The following SGMS1 variants were observed in gnomAD, a reference collection of about 807,000 sequenced individuals.
The protein encoded by SGMS1 is phosphatidylcholine:ceramide cholinephosphotransferase 1.
A neutral mutation model predicts 46.2 loss-of-function variants in SGMS1; 13 were observed. That is an observed-to-expected ratio of 0.28 (90% CI 0.18 to 0.45). The LOEUF (loss-of-function observed/expected upper bound fraction) is 0.45. Among genes scored for constraint, SGMS1 ranks in the 20% least tolerant of loss-of-function variants. The probability of loss-of-function intolerance (pLI) is 1.00; values close to 1 mark genes in which losing one functional copy is unlikely to be tolerated. For synonymous variants in SGMS1, 203 were observed against 187.8 expected, an observed-to-expected ratio of 1.08 and a Z score of -0.66; for missense variants, 324 against 519.9, an observed-to-expected ratio of 0.62 and a Z score of 3.66.
intron 2 of SGMS1, among the ~76,000 whole-genome samples, chr10:50,579,165 TA>T (rs1198957278): frequency 2.0e-5 from 3 of 151,946 alleles, no homozygotes; most frequent in Non-Finnish European, 2.9e-5. Context: ...CAAAAAATTT[TA>T]AAAAAACATT....
intron 6 of SGMS1, among the ~76,000 whole-genome samples, chr10:50,353,763 G>A (rs375544811): frequency 2.6e-5 from 4 of 152,366 alleles, no homozygotes; most frequent in East Asian, 3.9e-4. Flanking sequence ...AAATCAATGT[G>A]CAAAAATCAC....
chr10:50,391,332 T>C (rs1157323654), intron 6 of SGMS1, among the ~76,000 whole-genome samples: 1 of 152,206 alleles, frequency 6.6e-6, no homozygotes, highest in East Asian at 1.9e-4. Context: ...GTTGTGGGAC[T>C]TGAACATGAT....
intron 5 of SGMS1, among the ~76,000 whole-genome samples, chr10:50,446,507 A>G (rs770317105): frequency 1.3e-5 from 2 of 152,242 alleles, no homozygotes; most frequent in Non-Finnish European, 2.9e-5. Context: ...TTATATTCAT[A>G]ACAGCCAAAA....
At chr10:50,418,020 T>C (rs1157565221) in intron 6 of SGMS1, 1 of 152,242 alleles carries the variant, frequency 6.6e-6, no homozygotes, top group Non-Finnish European at 1.5e-5. Flanking sequence ...CACCGTCTGT[T>C]AGTGTATTCT....
chr10:50,333,720 A>C (rs1444599832), intron 7 of SGMS1, among the ~76,000 whole-genome samples: 1 of 152,226 alleles, frequency 6.6e-6, no homozygotes, highest in African/African-American at 2.4e-5. Flanking sequence ...CAGACAAAAT[A>C]ATCAAAATAA....
intron 6 of SGMS1, among the ~76,000 whole-genome samples, chr10:50,420,670 T>C (rs1849243741): frequency 6.6e-6 from 1 of 152,244 alleles, no homozygotes; most frequent in South Asian, 2.1e-4. Context: ...GAACTGATAA[T>C]ATGTTGGCTA....
At chr10:50,413,798 T>C (rs1426140903) in intron 6 of SGMS1, among the ~76,000 whole-genome samples, 1 of 152,212 alleles carries the variant, frequency 6.6e-6, no homozygotes, top group Non-Finnish European at 1.5e-5. Context: ...GGACTGGAGA[T>C]AAGAAAGAGG....
At chr10:50,551,350 T>A (rs1186045774) in intron 2 of SGMS1, among the ~76,000 whole-genome samples, 1 of 151,174 alleles carries the variant, frequency 6.6e-6, no homozygotes. Flanking sequence ...AACACCTGAC[T>A]GGTACTCCTC....
chr10:50,552,254 T>C (rs1057035812), intron 2 of SGMS1, among the ~76,000 whole-genome samples: 14 of 152,112 alleles, frequency 9.2e-5, no homozygotes, highest in African/African-American at 3.1e-4. Flanking sequence ...CAAGCATGTT[T>C]AAGATATTAA....
intron 6 of SGMS1, among the ~76,000 whole-genome samples, chr10:50,405,854 T>C (rs779705535): frequency 3.9e-5 from 6 of 152,244 alleles, no homozygotes; most frequent in Non-Finnish European, 7.3e-5. Context: ...TTAATATTCA[T>C]GTATTTATCC....
In SGMS1 at chr10:50,327,241, G is replaced by A. The variant is rs1198111813; in HGVS notation, c.705C>T (p.Leu235=). 2 of 1,604,602 alleles carry A rather than the reference G, an allele frequency of 1.2e-6. No homozygotes were observed. The highest frequency in any genetic ancestry group is 3.3e-4 in the Middle Eastern group (2 of 6,050). ...AGTTGAAATGCATACCAGGTACTGGGAGTGTAGTTACATACATTGTAATAC... is the reference window on the plus strand; with the variant it reads ...AGTTGAAATGCATACCAGGTACTGGAAGTGTAGTTACATACATTGTAATAC... ...YRCITMYVTT[L]PVPGMHFNCS... is the part of the protein sequence containing the mutation. The change falls in exon 8 of 11, where the codon CTC becomes CTT. Residue 235 remains leucine, a synonymous_variant. Transcript: ENST00000361781.
intron 1 of SGMS1, among the ~76,000 whole-genome samples, chr10:50,610,810 G>A (rs568010123): frequency 7.9e-5 from 12 of 152,256 alleles, no homozygotes; most frequent in African/African-American, 2.6e-4. Flanking sequence ...CCCTTACCAA[G>A]AAAACTCCAT....
chr10:50,585,146 A>C (rs2131882784), intron 2 of SGMS1, among the ~76,000 whole-genome samples: 1 of 152,374 alleles, frequency 6.6e-6, no homozygotes, highest in East Asian at 1.9e-4. Context: ...AGATAAGCAC[A>C]CAAACAGAGA....
chr10:50,394,294 G>A (rs1040490135), intron 6 of SGMS1, among the ~76,000 whole-genome samples: 3 of 152,210 alleles, frequency 2.0e-5, no homozygotes, highest in South Asian at 2.1e-4. Flanking sequence ...TTTGTGTCGT[G>A]TTTCCTAAAA....
chr10:50,556,276 A>G (rs1377331543), intron 2 of SGMS1, among the ~76,000 whole-genome samples: 1 of 152,236 alleles, frequency 6.6e-6, no homozygotes. Flanking sequence ...AGCACTGAAG[A>G]TAAAGCAGTA....
At chr10:50,333,420 C>T (rs1003669186) in intron 7 of SGMS1, among the ~76,000 whole-genome samples, 1 of 152,236 alleles carries the variant, frequency 6.6e-6, no homozygotes, top group South Asian at 2.1e-4. Context: ...TCCCTTCACT[C>T]TGCATCCTTT....
In SGMS1 at chr10:50,343,853, C is replaced by T; in HGVS notation, c.262G>A (p.Gly88Ser). ...CCGTCGGGGGTGGGGATGTCTACGC[C>T]AATGTTGAGGTGCCCATTGGCATGG... ...NGHANGHLNIGVDIPTPDGSF... is the reference protein window; with the variant it reads ...NGHANGHLNISVDIPTPDGSF... Residue 88 changes from glycine to serine, a missense_variant, in exon 7 of 11, where the codon GGC (glycine) becomes AGC (serine). Coordinates refer to ENST00000361781, the MANE Select transcript of SGMS1 (RefSeq NM_147156.4). 1 of 1,614,112 alleles carries T rather than the reference C, an allele frequency of 6.2e-7. No individual in the cohort carries two copies. The highest frequency in any genetic ancestry group is 8.5e-7 in the Non-Finnish European group (1 of 1,180,026).
At chr10:50,526,291 G>A (rs578038481) in intron 2 of SGMS1, among the ~76,000 whole-genome samples, 1 of 152,028 alleles carries the variant, frequency 6.6e-6, no homozygotes, top group South Asian at 2.1e-4. Context: ...TGGTCGGTGG[G>A]GGAAGTGCCA....
chr10:50,312,716 T>C (rs761964153), intron 8 of SGMS1, among the ~76,000 whole-genome samples: 9 of 152,188 alleles, frequency 5.9e-5, no homozygotes, highest in Non-Finnish European at 1.2e-4. Flanking sequence ...TTTTCATATA[T>C]ACACGATTTA....
Sources: allele counts gnomAD v4.1 joint callset (sites outside exome capture counted in the v4.1 genomes callset), GRCh38; gene constraint gnomAD v4.1.1; transcripts MANE v1.5; gene names NCBI Gene and HGNC (gene_info 2026-07-23, HGNC 2026-07-21).